The following OC90 variants were observed in gnomAD, a reference collection of about 807,000 sequenced individuals.
The protein encoded by OC90 is otoconin-90.
Under a neutral mutation model 47.3 loss-of-function variants are expected in OC90, and 46 were observed. The ratio of observed to expected loss-of-function variants is 0.97; its 90% CI spans 0.77 to 1.24. The LOEUF is 1.24. Among genes scored for constraint, OC90 ranks in the 50% most tolerant of loss-of-function variants. The pLI, the probability that OC90 is intolerant of heterozygous loss-of-function variation, is 0.00. For missense variants in OC90, 688 were observed against 583.9 expected, an observed-to-expected ratio of 1.18 and a Z score of -1.84; for synonymous variants, 271 against 219.5, an observed-to-expected ratio of 1.23 and a Z score of -2.07.
At chr8:132,056,197 CT>C (rs1823277343) in intron 1 of OC90, among the ~76,000 whole-genome samples, 1 of 152,172 alleles carries the variant, frequency 6.6e-6, no homozygotes, top group Admixed American at 6.5e-5. Flanking sequence ...AGCTTGTCCT[CT>C]GCAGTGTTGC....
chr8:132,044,527 T>A (rs993899111), intron 3 of OC90, 38 bp from the exon 4 acceptor site: 12 of 1,172,860 alleles, frequency 1.0e-5, no homozygotes, highest in Non-Finnish European at 1.5e-5. Context: ...AGTCTTGGTT[T>A]TTCCTTTTTT....
intron 2 of OC90, 135 bp from the exon 3 acceptor site, chr8:132,046,018 C>G (rs1022320157): frequency 3.1e-5 from 20 of 643,882 alleles, no homozygotes; most frequent in African/African-American, 9.1e-5. Context: ...TTTCCTAGAG[C>G]CTGCTATGCA....
chr8:132,041,581 G>T lies in OC90; in HGVS notation c.288C>A (p.Asp96Glu), dbSNP rs749966915. Residue 96 changes from aspartate (D) to glutamate (E), a missense_variant, in exon 5 of 14, where the codon GAC becomes GAA. Transcript: ENST00000254627. ...VAGLCPRDFE[D>E]YGCTCRFEME... ...TCTCAAACCTGCAGGTGCAACCATA[G>T]TCTTCAAAGTCTCGGGGGCAGAGAC... 6.2e-7 allele frequency: 1 copy of T among 1,613,140 alleles called. No homozygotes were observed. Among genetic ancestry groups the T allele is most frequent in the Non-Finnish European group, 8.5e-7 (1 of 1,179,616 alleles).
chr8:132,031,735 A>G, intron 12 of OC90, 146 bp downstream of exon 12: 2 of 642,662 alleles, frequency 3.1e-6, no homozygotes, highest in Non-Finnish European at 5.3e-6. Flanking sequence ...ATGATGCTGT[A>G]GAGCCACCTG....
Position 132,031,967 on chromosome 8 carries a change from C to G in OC90, c.945G>C (p.Leu315=). ...CAAATTCCTCCGGGCACCGGGATGT[C>G]AGACAAAAGAGCATCTCTCCAAGCT... is the stretch of plus-strand genomic sequence containing the variant. ...MPQLGEMLFC[L]TSRCPEEFES... is the part of the protein sequence containing the mutation. Residue 315 remains leucine (L), a synonymous_variant, in exon 12 of 14, where the codon CTG becomes CTC. Transcript: ENST00000254627. The G allele has an allele frequency of 6.2e-7, 1 of 1,614,034 alleles. No individual in the cohort carries two copies. The highest frequency in any genetic ancestry group is 2.2e-5 in the East Asian group (1 of 44,880).
chr8:132,030,301 TA>T (rs1357109035), intron 12 of OC90, among the ~76,000 whole-genome samples: 2 of 152,182 alleles, frequency 1.3e-5, no homozygotes, highest in Non-Finnish European at 2.9e-5. Context: ...TAAATTCTTA[TA>T]AAAAAATTAT....
At chr8:132,044,199 T>C (rs1823099422) in intron 4 of OC90, among the ~76,000 whole-genome samples, 1 of 152,054 alleles carries the variant, frequency 6.6e-6, no homozygotes, top group South Asian at 2.1e-4. Flanking sequence ...TCCTGGAGAG[T>C]TGTGAGTCAG....
In OC90 at chr8:132,041,052, ATCTTCTT is replaced by A; in HGVS notation, c.442_448del (p.Lys148SerfsTer21). 1 of 1,585,942 alleles carries A rather than the reference ATCTTCTT, an allele frequency of 6.3e-7. No individual in the cohort carries two copies. Among genetic ancestry groups the A allele is most frequent in the Non-Finnish European group, 8.7e-7 (1 of 1,154,366 alleles). ...CACCTGGAGATGCTTACCACATATG[ATCTTCTT>A]GCTGACACAATTGACCTCTGTGCTA... is the stretch of plus-strand genomic sequence containing the variant. On this transcript the variant is annotated frameshift_variant, in exon 6 of 14. Transcript: ENST00000254627. LOFTEE classifies it high-confidence loss of function.
intron 1 of OC90, among the ~76,000 whole-genome samples, chr8:132,058,553 G>T (rs1413970087): frequency 1.3e-5 from 2 of 152,226 alleles, no homozygotes; most frequent in Admixed American, 1.3e-4. Flanking sequence ...GGGTCAGGGA[G>T]TTCAGGCTCT....
Position 132,033,024 on chromosome 8 carries a change from A to C in OC90, c.859+15T>G. On this transcript the variant is annotated intron_variant, in intron 11 of 13. Transcript: ENST00000254627. ...GATCCCAGCAGCGGAGAGGACAGAC[A>C]CTGCTTCTGCTCACCTTTTTCAGTG... 1 of 1,606,440 alleles carries C rather than the reference A, an allele frequency of 6.2e-7. No homozygotes were observed.
chr8:132,038,983 G>A lies in OC90; in HGVS notation c.586+12C>T. 1 of 1,613,978 alleles carries A rather than the reference G, an allele frequency of 6.2e-7. No individual in the cohort carries two copies. The highest frequency in any genetic ancestry group is 8.5e-7 in the Non-Finnish European group (1 of 1,179,882). On this transcript the variant is annotated intron_variant, in intron 7 of 13. Coordinates refer to ENST00000254627, the MANE Select transcript of OC90 (RefSeq NM_001080399.3). ...CTCAGCCCCACGGCTGATGCAGCCA[G>A]GTTCTTCCTACCTGGAGTCTGAGCC... is the stretch of plus-strand genomic sequence containing the variant.
intron 4 of OC90, among the ~76,000 whole-genome samples, chr8:132,043,272 T>C (rs7387565): frequency 0.62 from 94,188 of 152,000 alleles, 29,729 homozygotes; most frequent in East Asian, 0.75. Flanking sequence ...AAAGCATTTG[T>C]TTTGTCTGTT....
chr8:132,049,908 G>T (rs375960587), intron 2 of OC90: 3 of 496,772 alleles, frequency 6.0e-6, no homozygotes, highest in Non-Finnish European at 1.2e-5. Context: ...CCATTATTTT[G>T]AACTATTTGT....
Position 132,038,776 on chromosome 8 carries a change from C to G in OC90, c.628+14G>C. 2 of 1,612,132 alleles carry G rather than the reference C, an allele frequency of 1.2e-6. No individual in the cohort carries two copies. The highest frequency in any genetic ancestry group is 1.7e-6 in the Non-Finnish European group (2 of 1,178,570). ...CCTTGTGGTTCAAGAGCCACCAACC[C>G]TGGGAGGCCTTACCTCTGGGCAGAA... is the stretch of plus-strand genomic sequence containing the variant. On this transcript the variant is annotated intron_variant, in intron 8 of 13. Coordinates refer to ENST00000254627, the MANE Select transcript of OC90 (RefSeq NM_001080399.3).
chr8:132,030,769 T>A (rs951571322), intron 12 of OC90, among the ~76,000 whole-genome samples: 1 of 152,150 alleles, frequency 6.6e-6, no homozygotes, highest in Non-Finnish European at 1.5e-5. Context: ...TTTCCTTCAC[T>A]GAAAATCTCA....
At position 132,029,377 on chromosome 8, in the gene OC90, C is replaced by T. The variant is rs7840989; in HGVS notation, c.1032-198G>A. Among the ~76,000 whole-genome samples, 233 of 152,210 alleles carry T rather than the reference C, an allele frequency of 1.5e-3. 3 individuals are homozygous for T. The highest frequency in any genetic ancestry group is 5.5e-3 in the African/African-American group (227 of 41,518). ...TTCGGGTTGTATACTGCACAAAGGC[C>T]ACGTCTAAGGCGGCATCACTTATAT... On this transcript the variant is annotated intron_variant, in intron 12 of 13. Transcript: ENST00000254627.
At position 132,033,125 on chromosome 8, in the gene OC90, A is replaced by C. The variant is rs61643278; in HGVS notation, c.773T>G (p.Ile258Ser). The C allele has an allele frequency of 6.2e-7, 1 of 1,607,636 alleles. No individual in the cohort carries two copies. Among genetic ancestry groups the C allele is most frequent in the Non-Finnish European group, 8.5e-7 (1 of 1,176,914 alleles). The change falls in exon 11 of 14, where the codon ATT (isoleucine) becomes AGT (serine). Residue 258 changes from isoleucine to serine, a missense_variant. By Grantham distance (142) the Ile-to-Ser change is moderately radical. Coordinates refer to ENST00000254627, the MANE Select transcript of OC90 (RefSeq NM_001080399.3). ...AATGCCAGCAGGGACAAGGGTTACAATTTTAGCTGTAACCCTTGTTGCAAC... is the reference window on the plus strand; with the variant it reads ...AATGCCAGCAGGGACAAGGGTTACACTTTTAGCTGTAACCCTTGTTGCAAC... The part of the protein sequence containing the change: ...EIVATRVTAK[I>S]VTLVPAGIKS...
Position 132,044,430 on chromosome 8 carries a change from TAC to T in OC90, c.169+1_169+2del, listed in dbSNP as rs749084287. The T allele has an allele frequency of 5.9e-6, 9 of 1,519,950 alleles. No homozygotes were observed. In the South Asian group the frequency reaches 1.1e-4, roughly 18 times the overall value. The allele number at this position is 1,519,950 out of a possible 1,614,324, so 94.2% of individuals were successfully genotyped here. A position where few individuals can be genotyped will look rare whatever the true frequency, so the allele number is the denominator to read the frequency against. ...GATAAAAGCAATTTTAGACTTAACT[TAC>T]CAAAAATTTCAGCCACACTTTCCAC... On this transcript the variant is annotated splice_donor_variant, in intron 4 of 13. Transcript: ENST00000254627. LOFTEE classifies it high-confidence loss of function.
intron 2 of OC90, 24 bp from the exon 3 acceptor site, chr8:132,045,907 G>C: frequency 2.9e-6 from 4 of 1,391,086 alleles, no homozygotes; most frequent in African/African-American, 1.4e-5. Context: ...AGAGAAAGTA[G>C]GGTAAGCACA....
Sources: gnomAD v4.1 joint callset for allele counts (sites outside exome capture counted in the v4.1 genomes callset) on GRCh38, gnomAD v4.1.1 for gene constraint, MANE v1.5 for transcripts, NCBI Gene and HGNC (gene_info 2026-07-23, HGNC 2026-07-21) for gene names.